Variants in DGKB observed in about 807,000 individuals in gnomAD.
DGKB encodes 90 kDa diacylglycerol kinase.
DGKB carries 67 observed loss-of-function variants against 114.3 expected under a neutral mutation model. The ratio of observed to expected loss-of-function variants is 0.59; its 90% CI spans 0.48 to 0.72. The LOEUF (loss-of-function observed/expected upper bound fraction) is 0.72, where lower values mean the gene tolerates loss of function less well. DGKB is among the 30% of genes least tolerant of loss of function. The pLI is 0.00. For synonymous variants in DGKB, 398 were observed against 323.1 expected (o/e 1.23, Z -2.49); for missense variants, 907 against 975.2 (o/e 0.93, Z 0.93).
At chr7:14,304,209 A>C (rs1804081196) in intron 23 of DGKB, among the ~76,000 whole-genome samples, 1 of 151,842 alleles carries the variant, frequency 6.6e-6, no homozygotes, top group Non-Finnish European at 1.5e-5. Context: ...TCAAGTTAAA[A>C]TTACTACCTT....
chr7:14,164,336 T>C (rs1784339425), intron 25 of DGKB, among the ~76,000 whole-genome samples: 1 of 152,218 alleles, frequency 6.6e-6, no homozygotes, highest in Non-Finnish European at 1.5e-5. Flanking sequence ...GTTGCTACAA[T>C]CGCTGTGCAA....
chr7:14,344,461 A>C (rs578182181), intron 22 of DGKB, among the ~76,000 whole-genome samples: 1 of 151,852 alleles, frequency 6.6e-6, no homozygotes, highest in African/African-American at 2.4e-5. Context: ...ATAAGGAACT[A>C]ATGATTTAGG....
In DGKB at chr7:14,850,242, A is replaced by G. The variant is rs1849167934; in HGVS notation, c.-187-8792T>C. 4.6e-5 allele frequency among the ~76,000 whole-genome samples: 7 copies of G among 152,342 alleles called. No homozygotes were observed. The South Asian group carries it at 1.4e-3, about 32-fold the overall frequency. On this transcript the variant is annotated intron_variant, in intron 1 of 25. Transcript: ENST00000402815. ...AAGGTGGCATGATGAAACTGAGTAC[A>G]GGAAGTGAAGACTGACTCATCAACC...
At chr7:14,268,867 G>A (rs900746970) in intron 23 of DGKB, 1 of 152,184 alleles carries the variant, frequency 6.6e-6, no homozygotes, top group Non-Finnish European at 1.5e-5. Flanking sequence ...TAAGAGCAGT[G>A]TATTGGTTAT....
Position 14,338,681 on chromosome 7 carries a change from G to A in DGKB, c.1956C>T (p.Asn652=). The change falls in exon 23 of 26, where the codon AAC becomes AAT. Residue 652 remains asparagine, a synonymous_variant. Transcript: ENST00000402815. The part of the protein sequence containing the change: ...ECDGVQIDLI[N]ISLEGIAILN... ...AAATAGCAATTCCTTCCAGAGAGATGTTTATTAAATCTATCTGTACTCCAT... is the reference window on the plus strand; with the variant it reads ...AAATAGCAATTCCTTCCAGAGAGATATTTATTAAATCTATCTGTACTCCAT... The A allele has an allele frequency of 6.3e-7, 1 of 1,587,492 alleles. No homozygotes were observed. Among genetic ancestry groups the A allele is most frequent in the South Asian group, 1.2e-5 (1 of 86,922 alleles).
intron 2 of DGKB, among the ~76,000 whole-genome samples, chr7:14,825,199 T>C (rs929570973): frequency 3.3e-5 from 5 of 151,722 alleles, no homozygotes; most frequent in African/African-American, 1.2e-4. Flanking sequence ...GGCTGTCTTC[T>C]AGATCACTGG....
intron 1 of DGKB, among the ~76,000 whole-genome samples, chr7:14,949,298 C>CA: frequency 6.6e-6 from 1 of 151,956 alleles, no homozygotes; most frequent in Non-Finnish European, 1.5e-5. Context: ...TGACTTATAG[C>CA]AAAGGGTTGT....
At chr7:14,813,064 A>C (rs1193203674) in intron 2 of DGKB, among the ~76,000 whole-genome samples, 1 of 152,194 alleles carries the variant, frequency 6.6e-6, no homozygotes, top group Non-Finnish European at 1.5e-5. Context: ...TAAAATCCTG[A>C]GAAAAAGTAG....
At chr7:14,221,391 A>G (rs1789945644) in intron 23 of DGKB, among the ~76,000 whole-genome samples, 1 of 151,110 alleles carries the variant, frequency 6.6e-6, no homozygotes, top group African/African-American at 2.4e-5. Context: ...AAAATTGTTA[A>G]GTTTTGTTGA....
chr7:14,171,920 A>G (rs1781056649), intron 25 of DGKB, among the ~76,000 whole-genome samples: 1 of 152,208 alleles, frequency 6.6e-6, no homozygotes, highest in Non-Finnish European at 1.5e-5. Context: ...GACCTCAGTA[A>G]GCCTGTGTCT....
In DGKB at chr7:14,527,520, C is replaced by T. The variant is rs374430435; in HGVS notation, c.1770+46692G>A. ...TCTGCAATTATTATACTGAAGAACACACCAAGAACATTAGAGTTAGAATGG... is the reference window on the plus strand; with the variant it reads ...TCTGCAATTATTATACTGAAGAACATACCAAGAACATTAGAGTTAGAATGG... On this transcript the variant is annotated intron_variant, in intron 20 of 25. Transcript: ENST00000402815. Among the ~76,000 whole-genome samples, 16 of 152,128 alleles carry T rather than the reference C, an allele frequency of 1.1e-4. No individual in the cohort carries two copies. The South Asian group carries it at 2.5e-3, about 24-fold the overall frequency.
intron 1 of DGKB, among the ~76,000 whole-genome samples, chr7:14,971,039 T>G (rs975558581): frequency 6.6e-6 from 1 of 152,088 alleles, no homozygotes; most frequent in African/African-American, 2.4e-5. Flanking sequence ...TCCCAAGGAG[T>G]CAAATAAGGT....
chr7:14,823,298 T>C (rs985627418), intron 2 of DGKB, among the ~76,000 whole-genome samples: 1 of 152,030 alleles, frequency 6.6e-6, no homozygotes, highest in Non-Finnish European at 1.5e-5. Flanking sequence ...TAATTACTAC[T>C]TTTTATTTCT....
intron 23 of DGKB, chr7:14,191,923 G>C (rs371230974): frequency 7.8e-6 from 5 of 639,126 alleles, no homozygotes; most frequent in African/African-American, 3.7e-5. Context: ...CTGGTAAAAA[G>C]CTGGAAGATG....
At chr7:14,894,798 A>G (rs893370914) in intron 1 of DGKB, among the ~76,000 whole-genome samples, 2 of 151,608 alleles carry the variant, frequency 1.3e-5, no homozygotes, top group Non-Finnish European at 3.0e-5. Context: ...TATGTGGTCT[A>G]GTAGTTTGGA....
At chr7:14,363,684 G>T (rs571467736) in intron 21 of DGKB, among the ~76,000 whole-genome samples, 1 of 152,008 alleles carries the variant, frequency 6.6e-6, no homozygotes, top group African/African-American at 2.4e-5. Context: ...ATTAAAAAAA[G>T]AAAAAGAAAA....
intron 1 of DGKB, among the ~76,000 whole-genome samples, chr7:14,894,158 T>A (rs983637299): frequency 1.3e-5 from 2 of 151,404 alleles, no homozygotes; most frequent in African/African-American, 4.8e-5. Flanking sequence ...GAGATGCCGA[T>A]TCTCATGTGA....
chr7:14,800,421 G>A lies in DGKB; in HGVS notation c.70+40773C>T, dbSNP rs10234529. On this transcript the variant is annotated intron_variant, in intron 2 of 25. Coordinates refer to ENST00000402815, the MANE Select transcript of DGKB (RefSeq NM_001350709.2). ...TAATCTGGTGGGTAAAATCTAATCA[G>A]CTGTCAGCAAATATAAAGCAGGCAG... Among the ~76,000 whole-genome samples the A allele has an allele frequency of 5.2e-3, 786 of 152,306 alleles. 5 individuals carry two copies. Among genetic ancestry groups the A allele is most frequent in the African/African-American group, 0.018 (739 of 41,562 alleles).
chr7:14,970,856 C>T (rs1024224335), intron 1 of DGKB, among the ~76,000 whole-genome samples: 10 of 152,072 alleles, frequency 6.6e-5, no homozygotes, highest in Admixed American at 2.6e-4. Context: ...CATTTCTGAA[C>T]GGCAGGCTGG....
Sources: allele counts gnomAD v4.1 joint callset (sites outside exome capture counted in the v4.1 genomes callset), GRCh38; gene constraint gnomAD v4.1.1; transcripts MANE v1.5; gene names NCBI Gene and HGNC (gene_info 2026-07-23, HGNC 2026-07-21).